C9orf85: variants seen among roughly 807,000 people sequenced by gnomAD.
The protein encoded by C9orf85 is uncharacterized protein C9orf85.
C9orf85 carries 16 observed loss-of-function variants against 14.9 expected under a neutral mutation model. The observed-to-expected ratio is 1.08, with a 90% confidence interval of 0.73 to 1.63. The LOEUF is 1.63. Ranked by LOEUF, C9orf85 falls within the 40% of genes most tolerant of loss-of-function variation. The pLI is 0.00. For synonymous variants in C9orf85, 45 were observed against 56.8 expected (o/e 0.79, Z 0.93); for missense variants, 172 against 186.1 (o/e 0.92, Z 0.44).
chr9:71,925,179 G>C (rs1193029557), intron 1 of C9orf85, among the ~76,000 whole-genome samples: 2 of 152,168 alleles, frequency 1.3e-5, no homozygotes, highest in African/African-American at 4.8e-5. Flanking sequence ...AAATTTAACT[G>C]AGGTATTTTT....
intron 1 of C9orf85, 83 bp from the exon 2 acceptor site, chr9:71,946,923 T>TA: frequency 3.6e-6 from 3 of 833,274 alleles, no homozygotes; most frequent in South Asian, 1.7e-5. Flanking sequence ...TTTTAAAACT[T>TA]ACATCTCATA....
downstream of C9orf85, among the ~76,000 whole-genome samples, chr9:71,977,360 G>A (rs1013860238): frequency 1.3e-5 from 2 of 151,054 alleles, no homozygotes; most frequent in African/African-American, 4.9e-5. Context: ...TAGCACTTAC[G>A]TGCTATGGCA....
chr9:71,911,662 GGA>G lies in C9orf85; in HGVS notation c.-71_-70del. 2 of 1,264,160 alleles carry G rather than the reference GGA, an allele frequency of 1.6e-6. No homozygotes were observed. Among genetic ancestry groups the G allele is most frequent in the Non-Finnish European group, 2.3e-6 (2 of 861,706 alleles). The allele number at this position is 1,264,160 out of a possible 1,614,324, so 78.3% of individuals were successfully genotyped here. ...TCATTGACAGAAGCGTCAATTCCTG[GGA>G]GTAGTTCGTTGGTTTTCTTTCCCCT... On this transcript the variant is annotated 5_prime_UTR_variant, in exon 1 of 4. Transcript: ENST00000334731.
intron 2 of C9orf85, among the ~76,000 whole-genome samples, chr9:71,950,707 C>G (rs1476730264): frequency 6.6e-6 from 1 of 152,112 alleles, no homozygotes; most frequent in African/African-American, 2.4e-5. Flanking sequence ...ATTTTTCTGC[C>G]ATGCTGAGTA....
intron 1 of C9orf85, among the ~76,000 whole-genome samples, chr9:71,943,548 T>C (rs1212066269): frequency 6.6e-6 from 1 of 151,970 alleles, no homozygotes; most frequent in African/African-American, 2.4e-5. Flanking sequence ...TTTTGTTTTT[T>C]GTTTTTTTTT....
chr9:71,973,288 A>G lies in C9orf85; in HGVS notation c.*446A>G, dbSNP rs1320064651. On this transcript the variant is annotated 3_prime_UTR_variant, in exon 4 of 4. Coordinates refer to ENST00000334731, the MANE Select transcript of C9orf85 (RefSeq NM_182505.5). ...AATAGACAAATTTCATACATGAACAATATAAATTGTGTATATTACTTAACA... is the reference window on the plus strand; with the variant it reads ...AATAGACAAATTTCATACATGAACAGTATAAATTGTGTATATTACTTAACA... The G allele has an allele frequency of 6.6e-6, 1 of 152,278 alleles. No individual in the cohort carries two copies. The highest frequency in any genetic ancestry group is 2.4e-5 in the African/African-American group (1 of 41,450). 9.4% of individuals were successfully genotyped at this position (152,278 alleles called of 1,614,324 possible). A position where few individuals can be genotyped will look rare whatever the true frequency, so the allele number is the denominator to read the frequency against.
chr9:71,924,170 G>A (rs188786485), intron 1 of C9orf85, among the ~76,000 whole-genome samples: 22 of 152,224 alleles, frequency 1.4e-4, no homozygotes, highest in Non-Finnish European at 2.9e-5. Flanking sequence ...GGGTTTTTTG[G>A]CTTCTAAAAA....
intron 1 of C9orf85, among the ~76,000 whole-genome samples, chr9:71,941,226 G>GATCATGAGTGGATGCCAAA (rs1821920957): frequency 6.6e-6 from 1 of 152,180 alleles, no homozygotes; most frequent in Non-Finnish European, 1.5e-5. Flanking sequence ...TTCAGGCAAA[G>GATCATGAGTGGATGCCAAA]ATCATGAGTG....
chr9:71,928,414 A>C (rs4352911), intron 1 of C9orf85, among the ~76,000 whole-genome samples: 1 of 152,146 alleles, frequency 6.6e-6, no homozygotes, highest in African/African-American at 2.4e-5. Flanking sequence ...AAGGGACTAC[A>C]CATCATGAAT....
downstream of C9orf85, among the ~76,000 whole-genome samples, chr9:71,975,285 A>C (rs1229659060): frequency 6.6e-6 from 1 of 151,746 alleles, no homozygotes; most frequent in Non-Finnish European, 1.5e-5. Flanking sequence ...CCTACTAAAA[A>C]TAACAAAAAC....
At chr9:71,971,899 G>T (rs536855130) in intron 3 of C9orf85, among the ~76,000 whole-genome samples, 4 of 151,548 alleles carry the variant, frequency 2.6e-5, no homozygotes, top group Admixed American at 2.6e-4. Flanking sequence ...GCTTGAACTT[G>T]GGGGGCAGAG....
At chr9:71,960,003 T>C (rs898077159) in intron 2 of C9orf85, among the ~76,000 whole-genome samples, 4 of 152,228 alleles carry the variant, frequency 2.6e-5, no homozygotes, top group African/African-American at 9.6e-5. Context: ...CCCAGGAATT[T>C]ACCATCTATT....
intron 2 of C9orf85, among the ~76,000 whole-genome samples, chr9:71,966,991 A>G (rs781684294): frequency 6.6e-6 from 1 of 152,224 alleles, no homozygotes; most frequent in Non-Finnish European, 1.5e-5. Context: ...GGCCGTTTGT[A>G]AGATGTTCAA....
At chr9:71,924,244 C>A (rs543835190) in intron 1 of C9orf85, among the ~76,000 whole-genome samples, 7 of 152,274 alleles carry the variant, frequency 4.6e-5, no homozygotes, top group Non-Finnish European at 7.4e-5. Context: ...AGTCCTAATT[C>A]TTTTCCAATT....
chr9:71,927,285 AG>A (rs1445340898), intron 1 of C9orf85, among the ~76,000 whole-genome samples: 25 of 136,544 alleles, frequency 1.8e-4, no homozygotes, highest in African/African-American at 4.6e-4. Flanking sequence ...AAAAAAAAAA[AG>A]TATACATTTA....
intron 1 of C9orf85, among the ~76,000 whole-genome samples, chr9:71,926,942 A>G (rs1373590260): frequency 6.6e-6 from 1 of 152,054 alleles, no homozygotes; most frequent in African/African-American, 2.4e-5. Context: ...AAAGTTAAGG[A>G]AAATCTTAAG....
At chr9:71,955,010 T>C (rs748748723) in intron 2 of C9orf85, among the ~76,000 whole-genome samples, 2 of 152,170 alleles carry the variant, frequency 1.3e-5, no homozygotes, top group Admixed American at 6.6e-5. Flanking sequence ...ACCAACCCCT[T>C]TCCTTTTTTT....
chr9:71,965,682 C>G (rs1822672515), intron 2 of C9orf85, among the ~76,000 whole-genome samples: 1 of 152,162 alleles, frequency 6.6e-6, no homozygotes, highest in Non-Finnish European at 1.5e-5. Flanking sequence ...ATTCTCCTGC[C>G]TGGGCCTCCC....
intron 1 of C9orf85, among the ~76,000 whole-genome samples, chr9:71,945,991 A>G (rs1004603052): frequency 2.0e-5 from 3 of 152,218 alleles, no homozygotes; most frequent in African/African-American, 7.2e-5. Flanking sequence ...GAGAAAATAC[A>G]TGACACATTT....
Sources: gnomAD v4.1 joint callset for allele counts (sites outside exome capture counted in the v4.1 genomes callset) on GRCh38, gnomAD v4.1.1 for gene constraint, MANE v1.5 for transcripts, NCBI Gene and HGNC (gene_info 2026-07-23, HGNC 2026-07-21) for gene names.